The following KIF26B variants were observed in gnomAD, a reference collection of about 807,000 sequenced individuals.
KIF26B encodes kinesin-like protein KIF26B.
In KIF26B, 63 loss-of-function variants were observed where a neutral mutation model predicts 151.2. The ratio of observed to expected loss-of-function variants is 0.42; its 90% CI spans 0.34 to 0.51. The LOEUF (loss-of-function observed/expected upper bound fraction) is 0.51. Ranked by LOEUF, KIF26B falls within the 20% of genes least tolerant of loss-of-function variation. KIF26B has a pLI of 0.07. For synonymous variants in KIF26B, 1,357 were observed against 1,262.1 expected (o/e 1.08, Z -1.59); for missense variants, 2,813 against 2,913.6 (o/e 0.97, Z 0.79).
At chr1:245,396,602 T>C (rs1673849419) in intron 3 of KIF26B, among the ~76,000 whole-genome samples, 1 of 151,454 alleles carries the variant, frequency 6.6e-6, no homozygotes, top group African/African-American at 2.4e-5. Flanking sequence ...CGCCACTGCA[T>C]TCCTGGGCAA....
intron 3 of KIF26B, among the ~76,000 whole-genome samples, chr1:245,372,610 CT>C (rs1673154916): frequency 6.6e-6 from 1 of 152,168 alleles, no homozygotes; most frequent in African/African-American, 2.4e-5. Context: ...GAAATTGTGA[CT>C]TTGAAAGGAT....
chr1:245,259,025 C>A (rs892022579), intron 2 of KIF26B, among the ~76,000 whole-genome samples: 1 of 152,212 alleles, frequency 6.6e-6, no homozygotes, highest in African/African-American at 2.4e-5. Flanking sequence ...AACAGCCCCC[C>A]AGGCGCTGAG....
chr1:245,588,649 A>T (rs1233484126), intron 5 of KIF26B, among the ~76,000 whole-genome samples: 1 of 152,174 alleles, frequency 6.6e-6, no homozygotes, highest in East Asian at 1.9e-4. Flanking sequence ...TCCAAACCTA[A>T]AACTTGAAAA....
At chr1:245,458,026 C>T (rs567736560) in intron 4 of KIF26B, among the ~76,000 whole-genome samples, 2 of 152,176 alleles carry the variant, frequency 1.3e-5, no homozygotes, top group Non-Finnish European at 2.9e-5. Flanking sequence ...GGACATTTTA[C>T]GTAAATGATG....
chr1:245,294,692 C>T (rs1671308507), intron 2 of KIF26B, among the ~76,000 whole-genome samples: 2 of 152,138 alleles, frequency 1.3e-5, no homozygotes, highest in Admixed American at 1.3e-4. Context: ...CAGAGTCCCG[C>T]TCTGTTACCC....
chr1:245,173,350 A>G (rs1194649852), intron 2 of KIF26B, among the ~76,000 whole-genome samples: 1 of 148,254 alleles, frequency 6.7e-6, no homozygotes, highest in African/African-American at 2.6e-5. Context: ...TGAGAGGTCA[A>G]TGTTATGTTG....
At chr1:245,486,826 A>G (rs1422460401) in intron 4 of KIF26B, among the ~76,000 whole-genome samples, 2 of 152,208 alleles carry the variant, frequency 1.3e-5, no homozygotes, top group African/African-American at 2.4e-5. Flanking sequence ...ACATGCCATC[A>G]TGCCTGGCTA....
At chr1:245,455,266 G>A (rs545903763) in intron 4 of KIF26B, among the ~76,000 whole-genome samples, 1 of 152,170 alleles carries the variant, frequency 6.6e-6, no homozygotes, top group Non-Finnish European at 1.5e-5. Flanking sequence ...AGCACTTTGG[G>A]AGGCTGAGGC....
At position 245,416,374 on chromosome 1, in the gene KIF26B, C is replaced by T. The variant is rs1441187021; in HGVS notation, c.1000-3205C>T. 5.9e-5 allele frequency among the ~76,000 whole-genome samples: 9 copies of T among 151,472 alleles called. No homozygotes were observed. In the South Asian group the frequency reaches 1.5e-3, roughly 25 times the overall value. Reference sequence around the variant, plus strand: ...TACTTAAAAGACTTAAGAAAATTTACGTAGATACACGTGAGCAGTAGAAAG... The same window carrying T: ...TACTTAAAAGACTTAAGAAAATTTATGTAGATACACGTGAGCAGTAGAAAG... On this transcript the variant is annotated intron_variant, in intron 3 of 14. Transcript: ENST00000407071.
intron 2 of KIF26B, among the ~76,000 whole-genome samples, chr1:245,188,407 C>G (rs1289696863): frequency 6.6e-6 from 1 of 152,008 alleles, no homozygotes; most frequent in African/African-American, 2.4e-5. Flanking sequence ...ACCTCTCTCT[C>G]GAATAGCCCC....
In KIF26B at chr1:245,702,182, C is replaced by A. The variant is rs2044781754; in HGVS notation, c.6179-276C>A. On this transcript the variant is annotated intron_variant, in intron 14 of 14. Coordinates refer to ENST00000407071, the MANE Select transcript of KIF26B (RefSeq NM_018012.4). The surrounding 1 kb of genome is among the most constrained non-coding windows in gnomAD (Gnocchi z 4.1). ...ATCCTGGGATCCATCCTGGATCCTC[C>A]ATGGCTGGAGGTAGGGGGAGCTAGA... Among the ~76,000 whole-genome samples, 2 of 152,140 alleles carry A rather than the reference C, an allele frequency of 1.3e-5. No homozygotes were observed. The highest frequency in any genetic ancestry group is 4.8e-5 in the African/African-American group (2 of 41,434).
intron 4 of KIF26B, among the ~76,000 whole-genome samples, chr1:245,444,643 T>C (rs533843197): frequency 1.6e-4 from 25 of 152,220 alleles, no homozygotes; most frequent in Non-Finnish European, 2.4e-4. Flanking sequence ...CAAGTCAGCA[T>C]GAAACAGAAG....
intron 10 of KIF26B, among the ~76,000 whole-genome samples, chr1:245,662,553 T>C (rs1446555811): frequency 1.3e-5 from 1 of 76,610 alleles, no homozygotes; most frequent in Non-Finnish European, 2.9e-5. Context: ...CACCCAATGA[T>C]ATATATATAC....
intron 4 of KIF26B, among the ~76,000 whole-genome samples, chr1:245,534,050 G>C (rs1661436672): frequency 6.6e-6 from 1 of 152,162 alleles, no homozygotes; most frequent in Admixed American, 6.5e-5. Context: ...GTGAGGCTAT[G>C]GAGAGAAAGG....
At chr1:245,549,188 T>C (rs2103107991) in intron 5 of KIF26B, among the ~76,000 whole-genome samples, 1 of 152,348 alleles carries the variant, frequency 6.6e-6, no homozygotes, top group East Asian at 1.9e-4. Context: ...GGGGACTTTT[T>C]AAAAGCTAGC....
intron 5 of KIF26B, among the ~76,000 whole-genome samples, chr1:245,543,605 T>A (rs561898617): frequency 6.6e-5 from 10 of 152,104 alleles, no homozygotes; most frequent in African/African-American, 2.4e-4. Flanking sequence ...GGGGCATGGG[T>A]AACAGTGAGG....
At chr1:245,380,785 C>T (rs949546755) in intron 3 of KIF26B, among the ~76,000 whole-genome samples, 26 of 152,132 alleles carry the variant, frequency 1.7e-4, no homozygotes, top group South Asian at 8.3e-4. Context: ...ACACTCCTGA[C>T]GTGATTTCTT....
At chr1:245,440,071 A>ATTAGCCGGGCGTGG (rs1471455377) in intron 4 of KIF26B, among the ~76,000 whole-genome samples, 2 of 152,246 alleles carry the variant, frequency 1.3e-5, no homozygotes, top group African/African-American at 4.8e-5. Context: ...AATACAAAAA[A>ATTAGCCGGGCGTGG]TTAGCCGGGC....
In KIF26B at chr1:245,161,806, TCCCTGTG is replaced by T. The variant is rs1459152184; in HGVS notation, c.465+5124_465+5130del. Among the ~76,000 whole-genome samples, 6 of 152,110 alleles carry T rather than the reference TCCCTGTG, an allele frequency of 3.9e-5. No homozygotes were observed. In the East Asian group the frequency reaches 9.7e-4, roughly 24 times the overall value. ...ACTTTCCCCTAGAAGCTGTTAAGGGTCCCTGTGAGTAGAACTGACTGAGTGAGAGGCA... is the reference window on the plus strand; with the variant it reads ...ACTTTCCCCTAGAAGCTGTTAAGGGTAGTAGAACTGACTGAGTGAGAGGCA... On this transcript the variant is annotated intron_variant, in intron 2 of 14. Transcript: ENST00000407071.
Sources: allele counts gnomAD v4.1 joint callset (sites outside exome capture counted in the v4.1 genomes callset), GRCh38; gene constraint gnomAD v4.1.1; non-coding constraint Gnocchi (gnomAD v3.1); transcripts MANE v1.5; gene names NCBI Gene and HGNC (gene_info 2026-07-23, HGNC 2026-07-21).